STXBP4: variants seen among roughly 807,000 people sequenced by gnomAD.
STXBP4 encodes syntaxin-binding protein 4.
A neutral mutation model predicts 76.1 loss-of-function variants in STXBP4; 55 were observed. The observed-to-expected ratio is 0.72, with a 90% confidence interval of 0.58 to 0.91. STXBP4 has a LOEUF of 0.91. Ranked by LOEUF, STXBP4 falls within the 40% of genes least tolerant of loss-of-function variation. The probability of loss-of-function intolerance (pLI) is 0.00; values close to 1 mark genes in which losing one functional copy is unlikely to be tolerated. For missense variants in STXBP4, 618 were observed against 636.9 expected, an observed-to-expected ratio of 0.97 and a Z score of 0.32; for synonymous variants, 201 against 220.2, an observed-to-expected ratio of 0.91 and a Z score of 0.77.
At chr17:55,177,983 G>A (rs978022057), downstream of STXBP4, among the ~76,000 whole-genome samples, 1 of 152,178 alleles carries the variant, frequency 6.6e-6, no homozygotes, top group Admixed American at 6.5e-5. Flanking sequence ...GTTTTCAAAT[G>A]TGTGCGTCCT....
At position 55,035,679 on chromosome 17, in the gene STXBP4, A is replaced by G. The variant is rs531326635; in HGVS notation, c.855+1420A>G. On this transcript the variant is annotated intron_variant, in intron 10 of 17. Coordinates refer to ENST00000376352, the MANE Select transcript of STXBP4 (RefSeq NM_178509.6). Reference sequence around the variant, plus strand: ...AGAAATCTGACATAACTTTTGATCAATCATTTTTATGAACATATTAAAAAT... The same window carrying G: ...AGAAATCTGACATAACTTTTGATCAGTCATTTTTATGAACATATTAAAAAT... 3.0e-4 allele frequency among the ~76,000 whole-genome samples: 45 copies of G among 152,022 alleles called. No homozygotes were observed. The Middle Eastern group carries it at 0.017, about 57-fold the overall frequency.
intron 10 of STXBP4, among the ~76,000 whole-genome samples, chr17:55,040,021 G>A (rs1051707824): frequency 1.3e-5 from 2 of 152,068 alleles, no homozygotes; most frequent in East Asian, 3.9e-4. Flanking sequence ...AAAGAGAAAA[G>A]GGACAAACTT....
At chr17:55,147,339 G>T (rs2080168636) in intron 17 of STXBP4, among the ~76,000 whole-genome samples, 1 of 152,200 alleles carries the variant, frequency 6.6e-6, no homozygotes, top group South Asian at 2.1e-4. Context: ...TCACAATGGG[G>T]TTTGCAATCC....
At chr17:55,011,420 G>A (rs1043372460) in intron 8 of STXBP4, among the ~76,000 whole-genome samples, 1 of 151,180 alleles carries the variant, frequency 6.6e-6, no homozygotes, top group African/African-American at 2.4e-5. Flanking sequence ...CCCAAAAGAG[G>A]GGAAATTTTG....
chr17:55,094,043 C>G (rs2079450828), intron 16 of STXBP4, among the ~76,000 whole-genome samples: 1 of 151,468 alleles, frequency 6.6e-6, no homozygotes, highest in Non-Finnish European at 1.5e-5. Context: ...ACAAATAAGT[C>G]TTCTTTGAAG....
chr17:55,072,942 C>T lies in STXBP4; in HGVS notation c.1054C>T (p.Arg352Trp), dbSNP rs751905952. 10 of 1,613,484 alleles carry T rather than the reference C, an allele frequency of 6.2e-6. No individual in the cohort carries two copies. Among genetic ancestry groups the T allele is most frequent in the African/African-American group, 1.3e-5 (1 of 74,998 alleles). Residue 352 changes from arginine (R) to tryptophan (W), a missense_variant, in exon 13 of 18, where the codon CGG becomes TGG. Transcript: ENST00000376352. ...VVEETRALRS[R>W]IHLAEAAQRQ... ...TGAAGAAACAAGAGCCCTGCGTAGT[C>T]GGATTCATCTTGCTGAAGCTGCTCA...
chr17:55,015,382 T>C lies in STXBP4; in HGVS notation c.666+7785T>C, dbSNP rs184956191. On this transcript the variant is annotated intron_variant, in intron 8 of 17. Transcript: ENST00000376352. ...TCTTTCCTCTGTTGTCATCCTATCA[T>C]TGACCTAACTGAAATACCAGAGATT... Among the ~76,000 whole-genome samples, 59 of 152,352 alleles carry C rather than the reference T, an allele frequency of 3.9e-4. 1 individual carries two copies. Among genetic ancestry groups the C allele is most frequent in the African/African-American group, 1.3e-3 (54 of 41,582 alleles).
intron 16 of STXBP4, among the ~76,000 whole-genome samples, chr17:55,134,630 T>G (rs1448160220): frequency 6.6e-6 from 1 of 152,142 alleles, no homozygotes; most frequent in Admixed American, 6.6e-5. Flanking sequence ...TTGATTAAAT[T>G]TATTAGATGA....
intron 12 of STXBP4, among the ~76,000 whole-genome samples, chr17:55,051,206 T>G (rs2078854255): frequency 6.6e-6 from 1 of 152,160 alleles, no homozygotes; most frequent in South Asian, 2.1e-4. Context: ...AATATTCTAC[T>G]CATTCGAAAA....
At chr17:55,054,172 A>C (rs898173046) in intron 12 of STXBP4, among the ~76,000 whole-genome samples, 2 of 152,206 alleles carry the variant, frequency 1.3e-5, no homozygotes, top group African/African-American at 2.4e-5. Context: ...TATATAAACA[A>C]AAGAGAGAAT....
At chr17:55,137,228 C>T (rs1374074984) in intron 16 of STXBP4, among the ~76,000 whole-genome samples, 1 of 151,102 alleles carries the variant, frequency 6.6e-6, no homozygotes, top group African/African-American at 2.5e-5. Context: ...TTTAACAAAG[C>T]CTTATTAATT....
At chr17:55,201,093 A>C in the STXBP4 span, among the ~76,000 whole-genome samples, 2 of 152,168 alleles carry the variant, frequency 1.3e-5, no homozygotes, top group Non-Finnish European at 2.9e-5. Context: ...TCATTTCCCC[A>C]TGCCAAAGTT....
Position 55,051,826 on chromosome 17 carries a change from T to A in STXBP4, c.1011+4672T>A, listed in dbSNP as rs572339016. Among the ~76,000 whole-genome samples, 221 of 152,210 alleles carry A rather than the reference T, an allele frequency of 1.5e-3. 7 individuals are homozygous for A. In the South Asian group the frequency reaches 0.045, roughly 31 times the overall value. ...AATTGGATGTATCATTGTGAATACA[T>A]CATTTCTTTTATATATATGTGCATA... On this transcript the variant is annotated intron_variant, in intron 12 of 17. Coordinates refer to ENST00000376352, the MANE Select transcript of STXBP4 (RefSeq NM_178509.6).
chr17:55,047,218 GAACATA>G, intron 12 of STXBP4, 64 bp downstream of exon 12: 1 of 862,926 alleles, frequency 1.2e-6, no homozygotes, highest in Non-Finnish European at 1.8e-6. Context: ...GTGTGTGTGT[GAACATA>G]TGAGGTATAA....
chr17:55,003,529 A>G (rs1472543297), intron 7 of STXBP4, among the ~76,000 whole-genome samples: 5 of 152,112 alleles, frequency 3.3e-5, no homozygotes, highest in African/African-American at 1.2e-4. Flanking sequence ...TATTATAAGT[A>G]CCTAATTATA....
intron 17 of STXBP4, among the ~76,000 whole-genome samples, chr17:55,150,030 A>G (rs1272819628): frequency 6.6e-6 from 1 of 152,168 alleles, no homozygotes; most frequent in Non-Finnish European, 1.5e-5. Flanking sequence ...TTCATAAAGT[A>G]CTTTGAAAAC....
At chr17:55,094,975 G>A (rs2079465533) in intron 16 of STXBP4, among the ~76,000 whole-genome samples, 1 of 152,170 alleles carries the variant, frequency 6.6e-6, no homozygotes, top group African/African-American at 2.4e-5. Flanking sequence ...TCAGGTTTCT[G>A]TGATACTTTA....
intron 12 of STXBP4, among the ~76,000 whole-genome samples, chr17:55,063,579 T>A (rs888948906): frequency 3.9e-5 from 6 of 152,200 alleles, no homozygotes; most frequent in Non-Finnish European, 8.8e-5. Context: ...TAAGAGAATT[T>A]AAGAAACATT....
At chr17:55,179,933 G>A in the STXBP4 span, among the ~76,000 whole-genome samples, 1 of 152,090 alleles carries the variant, frequency 6.6e-6, no homozygotes, top group African/African-American at 2.4e-5. Flanking sequence ...AGGGTCAACT[G>A]TATATATCTA....
Sources: allele counts gnomAD v4.1 joint callset (sites outside exome capture counted in the v4.1 genomes callset), GRCh38; gene constraint gnomAD v4.1.1; transcripts MANE v1.5; gene names NCBI Gene and HGNC (gene_info 2026-07-23, HGNC 2026-07-21).